CNTN4: variants seen among roughly 807,000 people sequenced by gnomAD.
CNTN4 encodes contactin 4, also known as contactin-4.
CNTN4 carries 77 observed loss-of-function variants against 122.5 expected under a neutral mutation model. The observed-to-expected ratio is 0.63, with a 90% CI of 0.52 to 0.76. The LOEUF is 0.76. Among genes scored for constraint, CNTN4 ranks in the 30% least tolerant of loss-of-function variants. The pLI, the probability that CNTN4 is intolerant of heterozygous loss-of-function variation, is 0.00. For missense variants in CNTN4, 1,256 were observed against 1,259.1 expected, an observed-to-expected ratio of 1.00 and a Z score of 0.04; for synonymous variants, 512 against 447.0, an observed-to-expected ratio of 1.15 and a Z score of -1.83.
intron 4 of CNTN4, among the ~76,000 whole-genome samples, chr3:2,585,216 T>A (rs1430571822): frequency 6.6e-6 from 1 of 151,990 alleles, no homozygotes; most frequent in African/African-American, 2.4e-5. Context: ...TGTGGAGAAA[T>A]AGAAACACTT....
At chr3:2,165,692 C>A (rs751177077) in intron 2 of CNTN4, among the ~76,000 whole-genome samples, 6 of 151,920 alleles carry the variant, frequency 3.9e-5, no homozygotes, top group Non-Finnish European at 7.4e-5. Flanking sequence ...CTCCCTGTTA[C>A]CCCCACACCT....
At chr3:2,342,187 C>T (rs1450254131) in intron 3 of CNTN4, among the ~76,000 whole-genome samples, 9 of 151,574 alleles carry the variant, frequency 5.9e-5, no homozygotes, top group Non-Finnish European at 1.2e-4. Flanking sequence ...TCTCTCTGAC[C>T]TCTTTTTTTT....
chr3:2,333,709 T>A (rs577227683), intron 2 of CNTN4, among the ~76,000 whole-genome samples: 3 of 152,224 alleles, frequency 2.0e-5, no homozygotes, highest in Non-Finnish European at 4.4e-5. Context: ...GACAGCACGA[T>A]TAGAAATGCA....
intron 2 of CNTN4, among the ~76,000 whole-genome samples, chr3:2,259,740 A>G (rs1482445892): frequency 2.6e-5 from 4 of 152,170 alleles, no homozygotes; most frequent in African/African-American, 4.8e-5. Flanking sequence ...TCCCTCCCAC[A>G]ACATGTGGGA....
At chr3:2,362,625 G>A in intron 3 of CNTN4, 1 of 462,652 alleles carries the variant, frequency 2.2e-6, no homozygotes, top group Non-Finnish European at 4.2e-6. Context: ...AGCAAGGGCT[G>A]AGGGCCTAGG....
At chr3:2,148,913 T>C (rs183668450) in intron 2 of CNTN4, among the ~76,000 whole-genome samples, 16 of 151,374 alleles carry the variant, frequency 1.1e-4, no homozygotes, top group Admixed American at 2.6e-4. Context: ...TGGATGTCAA[T>C]TGAACATTAC....
chr3:2,565,345 C>T (rs1348491239), intron 3 of CNTN4, among the ~76,000 whole-genome samples: 1 of 152,116 alleles, frequency 6.6e-6, no homozygotes, highest in African/African-American at 2.4e-5. Context: ...ACTGCAATCT[C>T]CAGTCAAGTT....
chr3:2,498,963 TA>T (rs2076524412), intron 3 of CNTN4, among the ~76,000 whole-genome samples: 1 of 152,038 alleles, frequency 6.6e-6, no homozygotes, highest in African/African-American at 2.4e-5. Context: ...CTAATTTTTG[TA>T]TTTTTAGTAG....
intron 3 of CNTN4, among the ~76,000 whole-genome samples, chr3:2,466,337 A>T (rs534295387): frequency 6.6e-6 from 1 of 152,356 alleles, no homozygotes; most frequent in African/African-American, 2.4e-5. Context: ...GAAAGTATGC[A>T]TATGTGAAAC....
At chr3:3,040,770 A>G (rs1700093493) in intron 20 of CNTN4, among the ~76,000 whole-genome samples, 1 of 152,116 alleles carries the variant, frequency 6.6e-6, no homozygotes, top group Non-Finnish European at 1.5e-5. Context: ...TCTACTAAAA[A>G]TATAAAATTA....
At chr3:2,531,845 A>G (rs938207858) in intron 3 of CNTN4, among the ~76,000 whole-genome samples, 1 of 152,192 alleles carries the variant, frequency 6.6e-6, no homozygotes, top group Non-Finnish European at 1.5e-5. Flanking sequence ...AATATTCATA[A>G]TAAGAACTTA....
intron 4 of CNTN4, among the ~76,000 whole-genome samples, chr3:2,720,908 G>A (rs188325711): frequency 2.6e-4 from 39 of 152,286 alleles, no homozygotes; most frequent in African/African-American, 9.1e-4. Context: ...GTAGAGCTGA[G>A]ATTTTGAACC....
chr3:2,575,466 G>A (rs368767404), intron 4 of CNTN4, among the ~76,000 whole-genome samples: 14 of 152,192 alleles, frequency 9.2e-5, no homozygotes, highest in Admixed American at 2.0e-4. Flanking sequence ...AGCCGAGATC[G>A]TACTACTGCA....
chr3:2,270,682 G>GT, intron 2 of CNTN4, among the ~76,000 whole-genome samples: 1 of 152,106 alleles, frequency 6.6e-6, no homozygotes. Flanking sequence ...TTTCTAGCTG[G>GT]AACCATGAGA....
chr3:2,521,260 G>A (rs186165658), intron 3 of CNTN4, among the ~76,000 whole-genome samples: 1 of 151,872 alleles, frequency 6.6e-6, no homozygotes, highest in African/African-American at 2.4e-5. Context: ...TTTGAAGATA[G>A]GATTTTGTAA....
chr3:2,333,342 G>A (rs1395936064), intron 2 of CNTN4, among the ~76,000 whole-genome samples: 1 of 152,192 alleles, frequency 6.6e-6, no homozygotes, highest in Non-Finnish European at 1.5e-5. Flanking sequence ...CTCCTACACT[G>A]TGTAATACTG....
chr3:2,535,877 G>A (rs1267639834), intron 3 of CNTN4, among the ~76,000 whole-genome samples: 1 of 152,078 alleles, frequency 6.6e-6, no homozygotes, highest in East Asian at 1.9e-4. Flanking sequence ...AGATGTCTCT[G>A]TGAAAGGGCT....
chr3:2,791,301 G>A (rs772131660), intron 6 of CNTN4, among the ~76,000 whole-genome samples: 27 of 152,160 alleles, frequency 1.8e-4, no homozygotes, highest in Non-Finnish European at 1.0e-4. Context: ...GGAAGCCAAG[G>A]CGGGCTGATC....
chr3:2,979,460 G>C (rs1017797065), intron 13 of CNTN4, among the ~76,000 whole-genome samples: 2 of 152,150 alleles, frequency 1.3e-5, no homozygotes, highest in South Asian at 2.1e-4. Context: ...ACTATGTTTG[G>C]GATTCTGTAA....
Sources: gnomAD v4.1 joint callset for allele counts (sites outside exome capture counted in the v4.1 genomes callset) on GRCh38, gnomAD v4.1.1 for gene constraint, MANE v1.5 for transcripts, NCBI Gene and HGNC (gene_info 2026-07-23, HGNC 2026-07-21) for gene names.